The following ADCY2 variants were observed in gnomAD, a reference collection of about 807,000 sequenced individuals.
ADCY2 encodes adenylate cyclase 2.
A neutral mutation model predicts 125.2 loss-of-function variants in ADCY2; 31 were observed. The ratio of observed to expected loss-of-function variants is 0.25; its 90% confidence interval spans 0.19 to 0.33. ADCY2 has a LOEUF of 0.33. ADCY2 is among the 10% of genes least tolerant of loss of function. The probability of loss-of-function intolerance (pLI) is 1.00; values close to 1 mark genes in which losing one functional copy is unlikely to be tolerated. For synonymous variants in ADCY2, 512 were observed against 548.4 expected, an observed-to-expected ratio of 0.93 and a Z score of 0.93; for missense variants, 904 against 1,418.2, an observed-to-expected ratio of 0.64 and a Z score of 5.82.
chr5:7,653,907 T>G, intron 4 of ADCY2: 3 of 253,790 alleles, frequency 1.2e-5, no homozygotes, highest in Non-Finnish European at 8.1e-6. Context: ...GGGGGAGGAG[T>G]CAGTTTGGGG....
chr5:7,782,631 C>G (rs982213099), intron 18 of ADCY2, among the ~76,000 whole-genome samples: 1 of 152,112 alleles, frequency 6.6e-6, no homozygotes, highest in African/African-American at 2.4e-5. Context: ...TTTTCTGGCC[C>G]CTTGGAATTG....
chr5:7,653,368 T>C (rs1739165041), intron 4 of ADCY2, among the ~76,000 whole-genome samples: 1 of 152,132 alleles, frequency 6.6e-6, no homozygotes, highest in Admixed American at 6.5e-5. Flanking sequence ...TCCCCATGCA[T>C]GCTGCAGTGT....
At chr5:7,497,972 C>A (rs1743399419) in intron 2 of ADCY2, among the ~76,000 whole-genome samples, 1 of 151,978 alleles carries the variant, frequency 6.6e-6, no homozygotes, top group East Asian at 1.9e-4. Flanking sequence ...TTCATTGAAA[C>A]TGGAAGCATG....
chr5:7,643,448 A>G (rs1212006523), intron 4 of ADCY2, among the ~76,000 whole-genome samples: 3 of 151,960 alleles, frequency 2.0e-5, no homozygotes, highest in Admixed American at 6.6e-5. Context: ...TGAAATTTTT[A>G]TATTTTCTGA....
chr5:7,575,393 T>A (rs1044154555), intron 3 of ADCY2, among the ~76,000 whole-genome samples: 1 of 152,158 alleles, frequency 6.6e-6, no homozygotes, highest in Non-Finnish European at 1.5e-5. Context: ...GTAAGAAAGA[T>A]GTTCAAGAAA....
intron 2 of ADCY2, among the ~76,000 whole-genome samples, chr5:7,465,986 C>G (rs927216586): frequency 6.6e-6 from 1 of 152,154 alleles, no homozygotes; most frequent in African/African-American, 2.4e-5. Flanking sequence ...AATAAAAAGT[C>G]TATTTTCTAC....
At chr5:7,801,232 C>A (rs904279707) in intron 20 of ADCY2, 1 of 152,240 alleles carries the variant, frequency 6.6e-6, no homozygotes, top group African/African-American at 2.4e-5. Flanking sequence ...CATCTGGGTG[C>A]CCCAAAGAGC....
chr5:7,650,248 A>AC (rs56131142), intron 4 of ADCY2, among the ~76,000 whole-genome samples: 20 of 148,112 alleles, frequency 1.4e-4, no homozygotes, highest in African/African-American at 2.0e-4. Flanking sequence ...ACACACACAC[A>AC]AACGCACATT....
intron 4 of ADCY2, among the ~76,000 whole-genome samples, chr5:7,686,615 T>C (rs1427125419): frequency 6.6e-6 from 1 of 152,238 alleles, no homozygotes; most frequent in East Asian, 1.9e-4. Context: ...TTCAAAAGTA[T>C]CCTTAAGGAA....
chr5:7,799,751 G>T (rs71604189), intron 20 of ADCY2: 13 of 152,292 alleles, frequency 8.5e-5, no homozygotes, highest in African/African-American at 3.1e-4. Flanking sequence ...CAATGCCTGC[G>T]CTTGGAGCCC....
chr5:7,716,788 T>C (rs901203781), intron 11 of ADCY2, among the ~76,000 whole-genome samples: 2 of 152,176 alleles, frequency 1.3e-5, no homozygotes, highest in Non-Finnish European at 2.9e-5. Context: ...GAATGATAGA[T>C]ACCAGAGACT....
intron 2 of ADCY2, among the ~76,000 whole-genome samples, chr5:7,461,294 T>C (rs1579466514): frequency 6.6e-6 from 1 of 152,150 alleles, no homozygotes; most frequent in East Asian, 1.9e-4. Context: ...AGCAAAGAAA[T>C]GAGCTTCTTT....
intron 3 of ADCY2, among the ~76,000 whole-genome samples, chr5:7,553,450 A>G (rs1735403406): frequency 6.6e-6 from 1 of 152,232 alleles, no homozygotes; most frequent in Non-Finnish European, 1.5e-5. Flanking sequence ...AACTTGTGTT[A>G]GGAAAGTCTG....
rs326164 is a variant in ADCY2, at chr5:7,820,473, G to A, written c.2999-92G>A. ...TGCGCCACTGCACTCCAGCCTGGGTGACAGAATAAGACCCCATCTCAAAAA... is the reference window on the plus strand; with the variant it reads ...TGCGCCACTGCACTCCAGCCTGGGTAACAGAATAAGACCCCATCTCAAAAA... On this transcript the variant is annotated intron_variant, in intron 23 of 24. Transcript: ENST00000338316. The A allele has an allele frequency of 0.031, 46,063 of 1,478,228 alleles. 4,678 individuals carry two copies. The African/African-American group carries it at 0.35, about 11-fold the overall frequency. The allele number at this position is 1,478,228 out of a possible 1,614,324, so 91.6% of individuals were successfully genotyped here.
At chr5:7,557,615 G>C (rs1735567499) in intron 3 of ADCY2, among the ~76,000 whole-genome samples, 1 of 152,120 alleles carries the variant, frequency 6.6e-6, no homozygotes. Context: ...GTGAGAGCAT[G>C]AGGTATTTGT....
At chr5:7,466,064 G>T (rs948494948) in intron 2 of ADCY2, among the ~76,000 whole-genome samples, 2 of 152,108 alleles carry the variant, frequency 1.3e-5, no homozygotes, top group African/African-American at 4.8e-5. Context: ...TTAGCACTAA[G>T]AATCTTTATT....
chr5:7,417,937 A>C (rs1188189158), intron 2 of ADCY2, among the ~76,000 whole-genome samples: 1 of 151,928 alleles, frequency 6.6e-6, no homozygotes, highest in Non-Finnish European at 1.5e-5. Flanking sequence ...AGATGACTGT[A>C]TTTTCATCTT....
At chr5:7,723,079 T>C (rs1741815503) in intron 12 of ADCY2, among the ~76,000 whole-genome samples, 1 of 149,906 alleles carries the variant, frequency 6.7e-6, no homozygotes, top group Non-Finnish European at 1.5e-5. Flanking sequence ...TTCTCCCTTA[T>C]AAGTGGGATG....
chr5:7,624,003 C>T (rs16878840), intron 3 of ADCY2, among the ~76,000 whole-genome samples: 17,844 of 152,116 alleles, frequency 0.12, 1,151 homozygotes, highest in South Asian at 0.19. Context: ...AATGTGGGTG[C>T]GTTTTAGGAA....
Sources: gnomAD v4.1 joint callset for allele counts (sites outside exome capture counted in the v4.1 genomes callset) on GRCh38, gnomAD v4.1.1 for gene constraint, MANE v1.5 for transcripts, NCBI Gene and HGNC (gene_info 2026-07-23, HGNC 2026-07-21) for gene names.